WDFY4: variants seen among roughly 807,000 people sequenced by gnomAD.
The protein encoded by WDFY4 is WD repeat- and FYVE domain-containing protein 4.
A neutral mutation model predicts 351.9 loss-of-function variants in WDFY4; 169 were observed. That is an observed-to-expected ratio of 0.48 (90% CI 0.42 to 0.55). The LOEUF (loss-of-function observed/expected upper bound fraction) is 0.55. Ranked by LOEUF, WDFY4 falls within the 20% of genes least tolerant of loss-of-function variation. The pLI, the probability that WDFY4 is intolerant of heterozygous loss-of-function variation, is 0.00. For synonymous variants in WDFY4, 1,622 were observed against 1,574.6 expected (o/e 1.03, Z -0.71); for missense variants, 3,803 against 3,935.6 (o/e 0.97, Z 0.90).
intron 51 of WDFY4, among the ~76,000 whole-genome samples, chr10:48,949,789 T>C (rs1276451730): frequency 2.6e-5 from 4 of 152,162 alleles, no homozygotes; most frequent in African/African-American, 4.8e-5. Context: ...AGTGGAGACA[T>C]ACGTGGTGAG....
chr10:48,773,682 G>A (rs2065938518), intron 13 of WDFY4, among the ~76,000 whole-genome samples: 1 of 152,228 alleles, frequency 6.6e-6, no homozygotes, highest in Non-Finnish European at 1.5e-5. Flanking sequence ...ACAGGCACAG[G>A]ATGATGGGAG....
At chr10:48,831,248 A>G (rs2068179235) in intron 38 of WDFY4, among the ~76,000 whole-genome samples, 1 of 152,096 alleles carries the variant, frequency 6.6e-6, no homozygotes, top group Non-Finnish European at 1.5e-5. Flanking sequence ...AATGTCCTTG[A>G]GCTTAGGTTC....
intron 47 of WDFY4, among the ~76,000 whole-genome samples, chr10:48,929,175 A>G (rs1331650165): frequency 6.6e-6 from 1 of 152,076 alleles, no homozygotes; most frequent in Non-Finnish European, 1.5e-5. Flanking sequence ...AGGAAACATC[A>G]AGTGGAAAAG....
intron 54 of WDFY4, among the ~76,000 whole-genome samples, chr10:48,964,895 T>G (rs915189690): frequency 6.6e-6 from 1 of 152,180 alleles, no homozygotes; most frequent in Non-Finnish European, 1.5e-5. Context: ...GAGGGGCTCC[T>G]TCTGCAGTTA....
chr10:48,769,302 A>C (rs888408750), intron 13 of WDFY4, among the ~76,000 whole-genome samples: 4 of 152,212 alleles, frequency 2.6e-5, no homozygotes, highest in African/African-American at 9.6e-5. Flanking sequence ...AGGCTGAGGG[A>C]CCATGGCAAA....
chr10:48,695,450 G>A (rs1339263839), intron 1 of WDFY4, among the ~76,000 whole-genome samples: 2 of 152,208 alleles, frequency 1.3e-5, no homozygotes, highest in African/African-American at 4.8e-5. Flanking sequence ...GAGGGAACCT[G>A]GGTTTGACCT....
chr10:48,862,537 G>C (rs1366291046), intron 39 of WDFY4, among the ~76,000 whole-genome samples: 3 of 152,142 alleles, frequency 2.0e-5, no homozygotes, highest in Admixed American at 6.5e-5. Flanking sequence ...ATCACCCTCA[G>C]ATGGGACCAT....
intron 47 of WDFY4, chr10:48,910,122 C>T (rs1564472429): frequency 1.5e-5 from 15 of 1,013,730 alleles, no homozygotes; most frequent in Non-Finnish European, 2.3e-5. Context: ...TCCGGCGAGC[C>T]TGGTTTCCAG....
intron 24 of WDFY4, among the ~76,000 whole-genome samples, chr10:48,802,518 T>G (rs1242390330): frequency 6.6e-6 from 1 of 152,158 alleles, no homozygotes; most frequent in African/African-American, 2.4e-5. Flanking sequence ...TTGTATAGTC[T>G]GGGCCTTAGG....
intron 39 of WDFY4, among the ~76,000 whole-genome samples, chr10:48,841,720 A>G (rs181255822): frequency 1.3e-5 from 2 of 152,314 alleles, no homozygotes; most frequent in Non-Finnish European, 2.9e-5. Context: ...TGAGATCATG[A>G]TGGCTTCTGA....
At chr10:48,851,063 C>T (rs2068941454) in intron 39 of WDFY4, among the ~76,000 whole-genome samples, 1 of 152,170 alleles carries the variant, frequency 6.6e-6, no homozygotes, top group Non-Finnish European at 1.5e-5. Context: ...TCAATAGGTC[C>T]TTTTTGATAC....
At chr10:48,941,010 C>A (rs1399427510) in intron 47 of WDFY4, among the ~76,000 whole-genome samples, 1 of 152,172 alleles carries the variant, frequency 6.6e-6, no homozygotes, top group African/African-American at 2.4e-5. Flanking sequence ...AATACTCATA[C>A]TTTTTAACCC....
intron 28 of WDFY4, among the ~76,000 whole-genome samples, chr10:48,810,243 TA>T (rs1251236735): frequency 6.6e-6 from 1 of 152,230 alleles, no homozygotes; most frequent in African/African-American, 2.4e-5. Context: ...TATATAGGGC[TA>T]TTAAGGGGCA....
At chr10:48,721,200 G>C (rs2064076520) in intron 3 of WDFY4, 61 bp from the exon 4 acceptor site, 1 of 1,492,076 alleles carries the variant, frequency 6.7e-7, no homozygotes, top group Admixed American at 2.0e-5. Context: ...GGGGGCCCTG[G>C]ATGGAGGGGA....
chr10:48,858,190 C>T (rs897144438), intron 39 of WDFY4, among the ~76,000 whole-genome samples: 1 of 150,760 alleles, frequency 6.6e-6, no homozygotes, highest in Non-Finnish European at 1.5e-5. Context: ...TGTAGATTGT[C>T]ATAGCGTTGT....
At chr10:48,815,426 T>C (rs1414035565) in intron 31 of WDFY4, among the ~76,000 whole-genome samples, 2 of 152,176 alleles carry the variant, frequency 1.3e-5, no homozygotes, top group Non-Finnish European at 2.9e-5. Flanking sequence ...GCTGAGAAAG[T>C]AGAGATCCCA....
rs1370697603 is a variant in WDFY4, at chr10:48,969,158, C to A, written c.8679C>A (p.Asn2893Lys). 3 of 1,551,616 alleles carry A rather than the reference C, an allele frequency of 1.9e-6. No individual in the cohort carries two copies. Among genetic ancestry groups the A allele is most frequent in the Non-Finnish European group, 2.6e-6 (3 of 1,146,982 alleles). Residue 2893 changes from asparagine to lysine, a missense_variant, in exon 56 of 62, where the codon AAC (asparagine) becomes AAA (lysine). By Grantham distance (94) the Asn-to-Lys change is moderately conservative. Transcript: ENST00000325239. ...TEKTILAVER[N>K]KVLLPPLWNR... The stretch of plus-strand genomic sequence containing the variant: ...AGACCATTCTGGCTGTAGAGAGGAA[C>A]AAAGTGCTGCTGCCTCCTCTCTGGA...
chr10:48,809,287 C>T (rs904296295), intron 28 of WDFY4, among the ~76,000 whole-genome samples: 2 of 150,966 alleles, frequency 1.3e-5, no homozygotes, highest in Admixed American at 6.6e-5. Context: ...CAACATTAAT[C>T]GCCATCACCA....
intron 57 of WDFY4, among the ~76,000 whole-genome samples, chr10:48,974,244 T>A (rs1842452754): frequency 6.6e-6 from 1 of 151,968 alleles, no homozygotes; most frequent in Non-Finnish European, 1.5e-5. Flanking sequence ...GGCTCACACC[T>A]GTAAACCCAG....
Sources: allele counts gnomAD v4.1 joint callset (sites outside exome capture counted in the v4.1 genomes callset), GRCh38; gene constraint gnomAD v4.1.1; transcripts MANE v1.5; gene names NCBI Gene and HGNC (gene_info 2026-07-23, HGNC 2026-07-21).